RCOR1: variants seen among roughly 807,000 people sequenced by gnomAD.
RCOR1 encodes the protein REST corepressor.
In RCOR1, 12 loss-of-function variants were observed where a neutral mutation model predicts 64.0. That is an observed-to-expected ratio of 0.19 (90% CI 0.12 to 0.30). The LOEUF is 0.30. RCOR1 is among the 10% of genes least tolerant of loss of function. RCOR1 has a pLI of 1.00. For synonymous variants in RCOR1, 279 were observed against 227.2 expected (o/e 1.23, Z -2.05); for missense variants, 502 against 621.2 (o/e 0.81, Z 2.04).
chr14:102,628,993 C>T (rs1034770956), intron 2 of RCOR1, among the ~76,000 whole-genome samples: 31 of 151,530 alleles, frequency 2.0e-4, no homozygotes, highest in Non-Finnish European at 8.8e-5. Flanking sequence ...TGGGCCCAAG[C>T]GATCCTCCCA....
intron 7 of RCOR1, among the ~76,000 whole-genome samples, chr14:102,713,103 G>A (rs1328441195): frequency 6.6e-5 from 10 of 150,498 alleles, no homozygotes; most frequent in Non-Finnish European, 1.3e-4. Context: ...ACAGGGGCCC[G>A]CAACCATGCC....
Position 102,613,103 on chromosome 14 carries a change from T to C in RCOR1, c.361+19778T>C, listed in dbSNP as rs554277113. 4.6e-5 allele frequency among the ~76,000 whole-genome samples: 7 copies of C among 152,124 alleles called. No homozygotes were observed. In the East Asian group the frequency reaches 1.4e-3, roughly 29 times the overall value. Reference sequence around the variant, plus strand: ...GATGGTGCGAGTCTCGCTTTTTTTGTTTTGTTTTGTTTTTTTGAGATGGAG... The same window carrying C: ...GATGGTGCGAGTCTCGCTTTTTTTGCTTTGTTTTGTTTTTTTGAGATGGAG... On this transcript the variant is annotated intron_variant, in intron 2 of 11. Coordinates refer to ENST00000262241, the MANE Select transcript of RCOR1 (RefSeq NM_015156.4).
In RCOR1 at chr14:102,592,960, C is replaced by T. The variant is rs1376552749; in HGVS notation, c.74C>T (p.Ala25Val). ...GGGAGGAACAACGCGGCCGCCTCCGCCTCCGCCGCCGCCGCCTCCGCCGCC... is the reference window on the plus strand; with the variant it reads ...GGGAGGAACAACGCGGCCGCCTCCGTCTCCGCCGCCGCCGCCTCCGCCGCC... ...RRGRNNAAASASAAAASAAAS... is the reference protein window; with the variant it reads ...RRGRNNAAASVSAAAASAAAS... Residue 25 changes from alanine to valine, a missense_variant, in exon 1 of 12, where the codon GCC (alanine) becomes GTC (valine). By Grantham distance (64) the Ala-to-Val change is moderately conservative (BLOSUM62 0). This residue lies in a region of RCOR1 where 242 missense variants were observed against 204.9 expected (regional missense o/e 1.18). Coordinates refer to ENST00000262241, the MANE Select transcript of RCOR1 (RefSeq NM_015156.4). 1 of 1,172,968 alleles carries T rather than the reference C, an allele frequency of 8.5e-7. No homozygotes were observed. Among genetic ancestry groups the T allele is most frequent in the Non-Finnish European group, 1.1e-6 (1 of 945,266 alleles). The allele number at this position is 1,172,968 out of a possible 1,614,324, so 72.7% of individuals were successfully genotyped here. A position where few individuals can be genotyped will look rare whatever the true frequency, so the allele number is the denominator to read the frequency against.
At chr14:102,618,902 A>G (rs1402024736) in intron 2 of RCOR1, among the ~76,000 whole-genome samples, 1 of 152,114 alleles carries the variant, frequency 6.6e-6, no homozygotes, top group Non-Finnish European at 1.5e-5. Flanking sequence ...CAAGTGAAGG[A>G]AAGACATTTC....
intron 2 of RCOR1, among the ~76,000 whole-genome samples, chr14:102,633,296 T>C (rs1894166172): frequency 6.6e-6 from 1 of 152,132 alleles, no homozygotes; most frequent in Non-Finnish European, 1.5e-5. Flanking sequence ...TCACAGTTCA[T>C]ATGTGATCTG....
intron 3 of RCOR1, among the ~76,000 whole-genome samples, chr14:102,688,591 G>C (rs1895469000): frequency 6.6e-6 from 1 of 152,172 alleles, no homozygotes; most frequent in Non-Finnish European, 1.5e-5. Flanking sequence ...CGGCATGATG[G>C]AAATTCAGGA....
intron 3 of RCOR1, among the ~76,000 whole-genome samples, chr14:102,686,881 C>T (rs774428733): frequency 1.6e-4 from 24 of 152,174 alleles, no homozygotes; most frequent in Non-Finnish European, 1.0e-4. Flanking sequence ...TGTCTTCTGT[C>T]GTCTTCTCCT....
Position 102,651,097 on chromosome 14 carries a change from T to C in RCOR1, c.362-30798T>C, listed in dbSNP as rs138981234. On this transcript the variant is annotated intron_variant, in intron 2 of 11. Coordinates refer to ENST00000262241, the MANE Select transcript of RCOR1 (RefSeq NM_015156.4). ...GTACATTGTTGACTAGTTAGAAGAATTTGACAGTATGTTTGGTGCTGAGAC... is the reference window on the plus strand; with the variant it reads ...GTACATTGTTGACTAGTTAGAAGAACTTGACAGTATGTTTGGTGCTGAGAC... 3.0e-6 allele frequency: 3 copies of C among 984,758 alleles called. No individual in the cohort carries two copies. The East Asian group carries it at 3.4e-4, about 112-fold the overall frequency. The allele number at this position is 984,758 out of a possible 1,614,324, so 61.0% of individuals were successfully genotyped here.
chr14:102,647,469 A>G (rs1894500014), intron 2 of RCOR1, among the ~76,000 whole-genome samples: 1 of 151,936 alleles, frequency 6.6e-6, no homozygotes. Context: ...GGTGTGGACC[A>G]CCATGCTTGG....
chr14:102,662,157 T>C (rs1240708483), intron 2 of RCOR1: 1 of 394,590 alleles, frequency 2.5e-6, no homozygotes, highest in Non-Finnish European at 4.9e-6. Flanking sequence ...TCATTAAATG[T>C]ACATACTTCT....
intron 4 of RCOR1, among the ~76,000 whole-genome samples, chr14:102,705,222 G>T (rs960783925): frequency 1.3e-5 from 2 of 152,070 alleles, no homozygotes; most frequent in African/African-American, 4.8e-5. Context: ...TCCTGCTGTG[G>T]GTTTTCGAAT....
At chr14:102,718,778 G>C (rs949852280) in intron 8 of RCOR1, among the ~76,000 whole-genome samples, 9 of 151,970 alleles carry the variant, frequency 5.9e-5, no homozygotes, top group Non-Finnish European at 1.3e-4. Context: ...GATGTTTGGC[G>C]GGGGGAAGGG....
intron 2 of RCOR1, among the ~76,000 whole-genome samples, chr14:102,596,147 G>A (rs904974773): frequency 1.3e-5 from 2 of 150,630 alleles, no homozygotes; most frequent in South Asian, 2.1e-4. Context: ...TGTTGCCCAC[G>A]CTGGAGTGCA....
chr14:102,642,978 A>G (rs1369639068), intron 2 of RCOR1, among the ~76,000 whole-genome samples: 5 of 152,206 alleles, frequency 3.3e-5, no homozygotes, highest in Non-Finnish European at 7.3e-5. Context: ...AGTGAAGGCT[A>G]AGCATTAGAA....
At chr14:102,630,538 T>G (rs2139909233) in intron 2 of RCOR1, among the ~76,000 whole-genome samples, 1 of 152,342 alleles carries the variant, frequency 6.6e-6, no homozygotes, top group East Asian at 1.9e-4. Context: ...GTAAGAATCC[T>G]ATCAGGGATC....
In RCOR1 at chr14:102,714,626, A is replaced by T. The variant is rs1896028621; in HGVS notation, c.1053+9A>T. ...TTTCAGTCAAACGACAGGTACTCATAAGCCTGGTCTTGGATGTAAAAGAAT... is the reference window on the plus strand; with the variant it reads ...TTTCAGTCAAACGACAGGTACTCATTAGCCTGGTCTTGGATGTAAAAGAAT... On this transcript the variant is annotated intron_variant, in intron 8 of 11. Coordinates refer to ENST00000262241, the MANE Select transcript of RCOR1 (RefSeq NM_015156.4). The T allele has an allele frequency of 6.3e-7, 1 of 1,585,408 alleles. No homozygotes were observed. The highest frequency in any genetic ancestry group is 1.1e-5 in the South Asian group (1 of 88,428).
chr14:102,705,902 G>A (rs1466769143), intron 4 of RCOR1, among the ~76,000 whole-genome samples: 3 of 151,854 alleles, frequency 2.0e-5, no homozygotes, highest in Non-Finnish European at 4.4e-5. Flanking sequence ...GATCACTTGA[G>A]CTCAGGAGTT....
intron 6 of RCOR1, 105 bp from the exon 7 acceptor site, chr14:102,710,824 TTATTTA>T (rs1429870114): frequency 1.4e-6 from 1 of 712,844 alleles, no homozygotes; most frequent in Non-Finnish European, 2.4e-6. Context: ...AATCAGTTTA[TTATTTA>T]TATTTGGTAA....
intron 2 of RCOR1, among the ~76,000 whole-genome samples, chr14:102,680,172 AT>A (rs541851395): frequency 0.012 from 1,767 of 147,364 alleles, 25 homozygotes; most frequent in African/African-American, 0.032. Flanking sequence ...TTGATTTTTG[AT>A]TTTTTTTTTA....
Sources: gnomAD v4.1 joint callset for allele counts (sites outside exome capture counted in the v4.1 genomes callset) on GRCh38, gnomAD v4.1.1 for gene constraint, gnomAD v4.1.1 regional missense constraint, MANE v1.5 for transcripts, NCBI Gene and HGNC (gene_info 2026-07-23, HGNC 2026-07-21) for gene names.